Variants in TMED7 observed in about 807,000 individuals in gnomAD.
The protein encoded by TMED7 is transmembrane p24 trafficking protein 7, also known as transmembrane emp24 domain-containing protein 7.
A neutral mutation model predicts 23.4 loss-of-function variants in TMED7; 8 were observed. The observed-to-expected ratio is 0.34, with a 90% CI of 0.20 to 0.62. TMED7 has a LOEUF of 0.62. Among genes scored for constraint, TMED7 ranks in the 20% least tolerant of loss-of-function variants. TMED7 has a pLI of 0.77. For missense variants in TMED7, 232 were observed against 279.1 expected (o/e 0.83, Z 1.20); for synonymous variants, 121 against 108.5 (o/e 1.12, Z -0.72).
intron 1 of TMED7, 51 bp downstream of exon 1, chr5:115,625,550 C>T: frequency 6.8e-7 from 1 of 1,467,892 alleles, no homozygotes. Context: ...AGTTACACCC[C>T]CAATCCTGGA....
At chr5:115,620,812 G>C in intron 1 of TMED7, 132 bp from the exon 2 acceptor site, 1 of 1,130,060 alleles carries the variant, frequency 8.8e-7, no homozygotes. Flanking sequence ...ATTTTCACCA[G>C]TGGATGGAAC....
chr5:115,616,174 A>G lies in TMED7; in HGVS notation c.*35T>C. On this transcript the variant is annotated 3_prime_UTR_variant, in exon 3 of 3. Transcript: ENST00000456936. ...AAATTAATTAGAGGACAGCAATATTACAGTGGCAATGGTGCATCAATTCTC... is the reference window on the plus strand; with the variant it reads ...AAATTAATTAGAGGACAGCAATATTGCAGTGGCAATGGTGCATCAATTCTC... The G allele has an allele frequency of 6.3e-7, 1 of 1,579,130 alleles. No individual in the cohort carries two copies. Among genetic ancestry groups the G allele is most frequent in the South Asian group, 1.1e-5 (1 of 90,318 alleles).
At position 115,625,738 on chromosome 5, in the gene TMED7, AC is replaced by A; in HGVS notation, c.54del (p.Cys19AlafsTer47). ...AGTAGCAGCAGTGCGAGCAGCCTGC[AC>A]CCCCAACGGCCCGCGACGGCCGCCC... ...QRWAAVAGRW[G>X]CRLLALLLLV... is the part of the protein sequence containing the mutation. On this transcript the variant is annotated frameshift_variant, in exon 1 of 3. Transcript: ENST00000456936. LOFTEE classifies it high-confidence loss of function. 3 of 1,569,424 alleles carry A rather than the reference AC, an allele frequency of 1.9e-6. No homozygotes were observed. The highest frequency in any genetic ancestry group is 2.5e-5 in the East Asian group (1 of 40,730).
At chr5:115,617,757 A>C (rs1485913549) in intron 2 of TMED7, among the ~76,000 whole-genome samples, 2 of 152,244 alleles carry the variant, frequency 1.3e-5, no homozygotes, top group African/African-American at 4.8e-5. Context: ...GATTAGAGAA[A>C]ATCACAGAAA....
intron 2 of TMED7, 102 bp downstream of exon 2, chr5:115,620,329 TGTCA>T: frequency 7.6e-7 from 1 of 1,312,890 alleles, no homozygotes; most frequent in East Asian, 2.8e-5. Context: ...TTTTAAAGAC[TGTCA>T]GTCTCAAAAT....
intron 2 of TMED7, among the ~76,000 whole-genome samples, chr5:115,618,418 C>T (rs555844753): frequency 6.6e-6 from 1 of 152,238 alleles, no homozygotes; most frequent in African/African-American, 2.4e-5. Flanking sequence ...AGTTGGTTTT[C>T]AAGTAAGAAT....
chr5:115,622,134 T>A (rs967115113), intron 1 of TMED7, among the ~76,000 whole-genome samples: 27 of 152,210 alleles, frequency 1.8e-4, no homozygotes, highest in Non-Finnish European at 3.2e-4. Context: ...AACTTCATTT[T>A]GCTATACTGA....
Position 115,616,277 on chromosome 5 carries a change from C to G in TMED7, c.607G>C (p.Gly203Arg). The G allele has an allele frequency of 6.2e-7, 1 of 1,614,094 alleles. No homozygotes were observed. The highest frequency in any genetic ancestry group is 8.5e-7 in the Non-Finnish European group (1 of 1,180,006). The change falls in exon 3 of 3, where the codon GGG becomes CGG. Residue 203 changes from glycine (G) to arginine (R), a missense_variant. Gly to Arg is a moderately radical substitution (Grantham distance 125). This residue lies in a region of TMED7 where 126 missense variants were observed against 182.1 expected (regional missense o/e 0.69). Coordinates refer to ENST00000456936, the MANE Select transcript of TMED7 (RefSeq NM_181836.6). ...AAGCTTTTCAAAAGAAATACCTGCCCTATGCTAACCACCAGAAGAATGAGG... is the reference window on the plus strand; with the variant it reads ...AAGCTTTTCAAAAGAAATACCTGCCGTATGCTAACCACCAGAAGAATGAGG... ...EALILLVVSIGQVFLLKSFFS... is the reference protein window; with the variant it reads ...EALILLVVSIRQVFLLKSFFS...
At chr5:115,617,789 A>C (rs939888187) in intron 2 of TMED7, among the ~76,000 whole-genome samples, 1 of 152,150 alleles carries the variant, frequency 6.6e-6, no homozygotes, top group African/African-American at 2.4e-5. Context: ...GCATTCTACA[A>C]CTTTTGAGAT....
At position 115,616,398 on chromosome 5, in the gene TMED7, G is replaced by A. The variant is rs267600322; in HGVS notation, c.486C>T (p.Ile162=). ...TTAAACGGAAATGAGTCTGATAATC[G>A]ATGACAGACTTCAGAGCTTCGTGAA... ...VSIHEALKSV[I]DYQTHFRLRE... Residue 162 remains isoleucine (I), a synonymous_variant, in exon 3 of 3, where the codon ATC becomes ATT. Transcript: ENST00000456936. 9.3e-6 allele frequency: 15 copies of A among 1,614,120 alleles called. No homozygotes were observed. The highest frequency in any genetic ancestry group is 1.3e-5 in the African/African-American group (1 of 75,026).
In TMED7 at chr5:115,616,386, A is replaced by C; in HGVS notation, c.498T>G (p.Thr166=). Residue 166 remains threonine, a synonymous_variant, in exon 3 of 3, where the codon ACT becomes ACG. Coordinates refer to ENST00000456936, the MANE Select transcript of TMED7 (RefSeq NM_181836.6). The part of the protein sequence containing the change: ...EALKSVIDYQ[T]HFRLREAQGR... ...CTTGAGCTTCTCTTAAACGGAAATGAGTCTGATAATCGATGACAGACTTCA... is the reference window on the plus strand; with the variant it reads ...CTTGAGCTTCTCTTAAACGGAAATGCGTCTGATAATCGATGACAGACTTCA... The C allele has an allele frequency of 6.2e-7, 1 of 1,614,216 alleles. No individual in the cohort carries two copies. Among genetic ancestry groups the C allele is most frequent in the South Asian group, 1.1e-5 (1 of 91,086 alleles).
rs1252771173 is a variant in TMED7, at chr5:115,614,733, T to G, written c.*1476A>C. ...TTTGCTCTTCCATGCAAGAAGTATATATATGCATTTTAAGATAGCTTAGAA... is the reference window on the plus strand; with the variant it reads ...TTTGCTCTTCCATGCAAGAAGTATAGATATGCATTTTAAGATAGCTTAGAA... On this transcript the variant is annotated 3_prime_UTR_variant, in exon 3 of 3. Coordinates refer to ENST00000456936, the MANE Select transcript of TMED7 (RefSeq NM_181836.6). 1 of 152,122 alleles carries G rather than the reference T, an allele frequency of 6.6e-6. No homozygotes were observed. Among genetic ancestry groups the G allele is most frequent in the African/African-American group, 2.4e-5 (1 of 41,452 alleles). 9.4% of individuals were successfully genotyped at this position (152,122 alleles called of 1,614,324 possible).
intron 1 of TMED7, among the ~76,000 whole-genome samples, chr5:115,621,928 A>G (rs956459319): frequency 6.6e-6 from 1 of 152,218 alleles, no homozygotes; most frequent in African/African-American, 2.4e-5. Flanking sequence ...CTCACTTGAG[A>G]GAAGATGACT....
At chr5:115,620,326 G>C in intron 2 of TMED7, 109 bp downstream of exon 2, 1 of 1,302,214 alleles carries the variant, frequency 7.7e-7, no homozygotes, top group Non-Finnish European at 9.9e-7. Flanking sequence ...AGATTTTAAA[G>C]ACTGTCAGTC....
At position 115,620,721 on chromosome 5, in the gene TMED7, G is replaced by A. The variant is rs763874963; in HGVS notation, c.193-41C>T. 6.6e-6 allele frequency: 9 copies of A among 1,357,946 alleles called. No homozygotes were observed. The South Asian group carries it at 2.0e-4, about 30-fold the overall frequency. The allele number at this position is 1,357,946 out of a possible 1,614,324, so 84.1% of individuals were successfully genotyped here. On this transcript the variant is annotated intron_variant, in intron 1 of 2. Transcript: ENST00000456936. ...AAAGAAAAATCACTGTGAAAAGTGT[G>A]AAAAATTAATCAGATTTAATCAGAT...
At position 115,616,223 on chromosome 5, in the gene TMED7, G is replaced by A. The variant is rs1756734822; in HGVS notation, c.661C>T (p.Arg221Cys). The A allele has an allele frequency of 7.4e-6, 12 of 1,613,388 alleles. No homozygotes were observed. Among genetic ancestry groups the A allele is most frequent in the South Asian group, 5.5e-5 (5 of 91,068 alleles). The change falls in exon 3 of 3, where the codon CGT (arginine) becomes TGT (cysteine). Residue 221 changes from arginine (R) to cysteine (C), a missense_variant. Physicochemically the swap from Arg to Cys is radical, Grantham distance 180. Around this residue, in one of 2 missense-constraint regions of TMED7, gnomAD observed 126 missense variants for 182.1 expected, o/e 0.69. Transcript: ENST00000456936. ...TCAAAACGTAGTTATGATCCAACACGAGTTGTGGTGGTTCTTTTATCTGAG... is the reference window on the plus strand; with the variant it reads ...TCAAAACGTAGTTATGATCCAACACAAGTTGTGGTGGTTCTTTTATCTGAG... ...FFSDKRTTTT[R>C]VGS
At chr5:115,619,849 G>A (rs1267144884) in intron 2 of TMED7, among the ~76,000 whole-genome samples, 1 of 152,106 alleles carries the variant, frequency 6.6e-6, no homozygotes, top group Admixed American at 6.5e-5. Flanking sequence ...GTTGTTCACT[G>A]GGTTTAAATT....
At chr5:115,619,371 T>A (rs769102999) in intron 2 of TMED7, among the ~76,000 whole-genome samples, 1 of 152,212 alleles carries the variant, frequency 6.6e-6, no homozygotes, top group African/African-American at 2.4e-5. Context: ...TCTTTCACCA[T>A]GACTTTGGCC....
At chr5:115,619,611 G>A (rs1756946037) in intron 2 of TMED7, among the ~76,000 whole-genome samples, 1 of 152,030 alleles carries the variant, frequency 6.6e-6, no homozygotes, top group Non-Finnish European at 1.5e-5. Context: ...CTTTGTGATG[G>A]AACCCAGGTC....
Sources: allele counts gnomAD v4.1 joint callset (sites outside exome capture counted in the v4.1 genomes callset), GRCh38; gene constraint gnomAD v4.1.1; regional missense constraint gnomAD v4.1.1; transcripts MANE v1.5; gene names NCBI Gene and HGNC (gene_info 2026-07-23, HGNC 2026-07-21).